The following GRID2 variants were observed in gnomAD, a reference collection of about 807,000 sequenced individuals.
GRID2 encodes the protein glutamate ionotropic receptor delta type subunit 2.
A neutral mutation model predicts 114.8 loss-of-function variants in GRID2; 33 were observed. That is an observed-to-expected ratio of 0.29 (90% confidence interval 0.22 to 0.38). The LOEUF (loss-of-function observed/expected upper bound fraction) is 0.38. Ranked by LOEUF, GRID2 falls within the 10% of genes least tolerant of loss-of-function variation. The probability of loss-of-function intolerance (pLI) is 1.00; values close to 1 mark genes in which losing one functional copy is unlikely to be tolerated. For missense variants in GRID2, 1,184 were observed against 1,257.7 expected (o/e 0.94, Z 0.89); for synonymous variants, 505 against 449.9 (o/e 1.12, Z -1.55).
chr4:93,099,339 T>C (rs1731503701), intron 3 of GRID2, among the ~76,000 whole-genome samples: 1 of 151,938 alleles, frequency 6.6e-6, no homozygotes, highest in Admixed American at 6.6e-5. Context: ...TTTATTTGTT[T>C]CATTTTGTTT....
chr4:93,769,899 C>A (rs1185992104), intron 15 of GRID2, among the ~76,000 whole-genome samples: 4 of 152,146 alleles, frequency 2.6e-5, no homozygotes, highest in Non-Finnish European at 4.4e-5. Flanking sequence ...TTTCTCTTCA[C>A]CACTAGTGAC....
chr4:93,713,588 C>CAA (rs528037204), intron 14 of GRID2, among the ~76,000 whole-genome samples: 58 of 142,308 alleles, frequency 4.1e-4, no homozygotes, highest in Admixed American at 4.0e-3. Flanking sequence ...AGGTACATTA[C>CAA]AAAAAAAAAA....
intron 8 of GRID2, among the ~76,000 whole-genome samples, chr4:93,298,140 A>C (rs187302928): frequency 3.3e-5 from 5 of 152,294 alleles, no homozygotes; most frequent in African/African-American, 1.2e-4. Flanking sequence ...TTCCCTGTTC[A>C]GCAAACACCA....
chr4:93,298,407 C>T lies in GRID2; in HGVS notation c.1245+59917C>T, dbSNP rs753798282. Among the ~76,000 whole-genome samples, 33 of 152,140 alleles carry T rather than the reference C, an allele frequency of 2.2e-4. 1 individual carries two copies. The highest frequency in any genetic ancestry group is 1.1e-3 in the Admixed American group (17 of 15,264). ...AACTCCTGGCTGTTCCCTCAAATGC[C>T]ACAAAGAGCACTAGCAAGCTCTCTA... is the stretch of plus-strand genomic sequence containing the variant. On this transcript the variant is annotated intron_variant, in intron 8 of 15. Coordinates refer to ENST00000282020, the MANE Select transcript of GRID2 (RefSeq NM_001510.4).
intron 1 of GRID2, among the ~76,000 whole-genome samples, chr4:92,375,838 T>A (rs1729329693): frequency 6.6e-6 from 1 of 152,198 alleles, no homozygotes; most frequent in Non-Finnish European, 1.5e-5. Flanking sequence ...CTGATGAATA[T>A]GCAATTTAAT....
At chr4:93,040,589 C>G (rs909773610) in intron 2 of GRID2, among the ~76,000 whole-genome samples, 1 of 152,076 alleles carries the variant, frequency 6.6e-6, no homozygotes, top group Admixed American at 6.6e-5. Flanking sequence ...CATATTAATT[C>G]TGTCCTGGTT....
Position 93,772,569 on chromosome 4 carries a change from G to T in GRID2, c.*71G>T, listed in dbSNP as rs148420734. 7.8e-3 allele frequency: 8,152 copies of T among 1,051,346 alleles called. 49 individuals are homozygous for T. Among genetic ancestry groups the T allele is most frequent in the Non-Finnish European group, 9.3e-3 (6,668 of 714,790 alleles). 65.1% of individuals were successfully genotyped at this position (1,051,346 alleles called of 1,614,324 possible). On this transcript the variant is annotated 3_prime_UTR_variant, in exon 16 of 16. Coordinates refer to ENST00000282020, the MANE Select transcript of GRID2 (RefSeq NM_001510.4). ...GCAAGGAGCAACTGTAATATTGTGGGACTAACATGGATGTAACGTTTAAAA... is the reference window on the plus strand; with the variant it reads ...GCAAGGAGCAACTGTAATATTGTGGTACTAACATGGATGTAACGTTTAAAA...
chr4:93,030,837 G>A (rs1272467877), intron 2 of GRID2, among the ~76,000 whole-genome samples: 2 of 151,788 alleles, frequency 1.3e-5, no homozygotes, highest in Non-Finnish European at 2.9e-5. Flanking sequence ...AGAGAGAGAG[G>A]AGAAGAGTGG....
chr4:93,316,291 CGAAAGAAAGAAAGAAAGAAAGAAAGAAA>C (rs201308452), intron 8 of GRID2, among the ~76,000 whole-genome samples: 1 of 77,122 alleles, frequency 1.3e-5, no homozygotes, highest in Non-Finnish European at 2.5e-5. Context: ...AACGAAAGAA[CGAAAGAAAGAAAGAAAGAAAGAAAGAAA>C]GAAAGAAAGA....
rs551404972 is a variant in GRID2, at chr4:92,763,324, G to A, written c.244+173038G>A. 3.9e-5 allele frequency among the ~76,000 whole-genome samples: 6 copies of A among 151,948 alleles called. No homozygotes were observed. In the East Asian group the frequency reaches 9.7e-4, roughly 24 times the overall value. On this transcript the variant is annotated intron_variant, in intron 2 of 15. Coordinates refer to ENST00000282020, the MANE Select transcript of GRID2 (RefSeq NM_001510.4). Reference sequence around the variant, plus strand: ...GCTTACAACTGAATGATAGGACAAGGGAAAAATGCACATATATGTATTTTC... The same window carrying A: ...GCTTACAACTGAATGATAGGACAAGAGAAAAATGCACATATATGTATTTTC...
At chr4:93,723,776 G>C (rs1003178671) in intron 14 of GRID2, among the ~76,000 whole-genome samples, 1 of 152,116 alleles carries the variant, frequency 6.6e-6, no homozygotes, top group Admixed American at 6.5e-5. Flanking sequence ...AGGTAACCAA[G>C]CCTTCTTAGT....
At chr4:93,131,185 C>T (rs543437345) in intron 4 of GRID2, among the ~76,000 whole-genome samples, 9 of 102,434 alleles carry the variant, frequency 8.8e-5, no homozygotes, top group African/African-American at 3.2e-4. Flanking sequence ...GATGGAGTCT[C>T]GCTGTGTCAC....
At chr4:93,404,610 T>C (rs1375450394) in intron 9 of GRID2, among the ~76,000 whole-genome samples, 1 of 152,134 alleles carries the variant, frequency 6.6e-6, no homozygotes, top group Non-Finnish European at 1.5e-5. Context: ...AACAAAGACC[T>C]TCTAACAGAA....
intron 3 of GRID2, among the ~76,000 whole-genome samples, chr4:93,091,439 A>G (rs373558266): frequency 6.6e-6 from 1 of 152,122 alleles, no homozygotes; most frequent in East Asian, 1.9e-4. Flanking sequence ...CCTAGTTTGG[A>G]TGTTCTGTAC....
At chr4:92,468,040 A>G (rs1321492872) in intron 1 of GRID2, among the ~76,000 whole-genome samples, 1 of 147,248 alleles carries the variant, frequency 6.8e-6, no homozygotes, top group Admixed American at 6.7e-5. Flanking sequence ...AGAGTTTGTC[A>G]TGAACCTAGA....
intron 12 of GRID2, among the ~76,000 whole-genome samples, chr4:93,506,546 A>G (rs1247863090): frequency 2.0e-5 from 3 of 152,198 alleles, no homozygotes; most frequent in Admixed American, 6.6e-5. Context: ...GTTGTGCCAC[A>G]TGAGGAGAGT....
intron 14 of GRID2, among the ~76,000 whole-genome samples, chr4:93,677,291 G>A (rs1001139035): frequency 1.3e-5 from 2 of 152,154 alleles, no homozygotes; most frequent in South Asian, 2.1e-4. Context: ...CGAACTGGGT[G>A]GAGCCCACCA....
intron 2 of GRID2, among the ~76,000 whole-genome samples, chr4:92,764,194 A>G (rs1313347438): frequency 6.6e-6 from 1 of 152,174 alleles, no homozygotes; most frequent in Non-Finnish European, 1.5e-5. Context: ...AATTCAGTTC[A>G]GTGACCTTGC....
chr4:93,387,678 A>G (rs1053436085), intron 8 of GRID2, among the ~76,000 whole-genome samples: 1 of 152,018 alleles, frequency 6.6e-6, no homozygotes, highest in Admixed American at 6.6e-5. Context: ...AAAAATACAA[A>G]AATTAGCCAG....
Sources: gnomAD v4.1 joint callset for allele counts (sites outside exome capture counted in the v4.1 genomes callset) on GRCh38, gnomAD v4.1.1 for gene constraint, MANE v1.5 for transcripts, NCBI Gene and HGNC (gene_info 2026-07-23, HGNC 2026-07-21) for gene names.